Variants in TPD52 observed in about 807,000 individuals in gnomAD.
TPD52 encodes prostate and colon associated protein.
In TPD52, 17 loss-of-function variants were observed where a neutral mutation model predicts 31.3. The observed-to-expected ratio is 0.54, with a 90% CI of 0.37 to 0.82. The LOEUF is 0.82. Ranked by LOEUF, TPD52 falls within the 40% of genes least tolerant of loss-of-function variation. The pLI, the probability that TPD52 is intolerant of heterozygous loss-of-function variation, is 0.00. For missense variants in TPD52, 212 were observed against 240.1 expected, an observed-to-expected ratio of 0.88 and a Z score of 0.77; for synonymous variants, 83 against 89.6, an observed-to-expected ratio of 0.93 and a Z score of 0.42.
Position 80,144,344 on chromosome 8 carries a change from G to T in TPD52, c.19+27081C>A, listed in dbSNP as rs1162244227. On this transcript the variant is annotated intron_variant, in intron 1 of 7. Transcript: ENST00000518937. Reference sequence around the variant, plus strand: ...ATAAAACAGTGCCTTAAAAAACACTGAACAATTAAAAATGTTACATATATT... The same window carrying T: ...ATAAAACAGTGCCTTAAAAAACACTTAACAATTAAAAATGTTACATATATT... Among the ~76,000 whole-genome samples the T allele has an allele frequency of 2.6e-5, 4 of 152,050 alleles. No individual in the cohort carries two copies. In the East Asian group the frequency reaches 7.7e-4, roughly 29 times the overall value.
In TPD52 at chr8:80,114,944, T is replaced by C. The variant is rs556804251; in HGVS notation, c.20-50351A>G. On this transcript the variant is annotated intron_variant, in intron 1 of 7. Coordinates refer to ENST00000518937, the MANE Select transcript of TPD52 (RefSeq NM_001025253.3). ...GTTGTGGTTAATTGTGTCTGAGTCG[T>C]ACCCCTCCACTGACGCTAGCTAACT... 1.2e-4 allele frequency among the ~76,000 whole-genome samples: 18 copies of C among 152,352 alleles called. No homozygotes were observed. The South Asian group carries it at 3.7e-3, about 32-fold the overall frequency.
At chr8:80,132,622 T>C (rs1276889272) in intron 1 of TPD52, among the ~76,000 whole-genome samples, 1 of 152,174 alleles carries the variant, frequency 6.6e-6, no homozygotes, top group East Asian at 1.9e-4. Flanking sequence ...CTATTGTTTG[T>C]GTGAAGATTC....
chr8:80,166,625 C>T (rs934565610), intron 1 of TPD52, among the ~76,000 whole-genome samples: 2 of 151,532 alleles, frequency 1.3e-5, no homozygotes, highest in Non-Finnish European at 2.9e-5. Flanking sequence ...ATTTGTTGGC[C>T]GGGCACAGTG....
intron 7 of TPD52, 196 bp downstream of exon 7, chr8:80,042,424 C>T (rs2130397155): frequency 1.0e-6 from 1 of 985,450 alleles, no homozygotes; most frequent in Non-Finnish European, 1.2e-6. Context: ...TGGCATGCTG[C>T]CACACTACAG....
At chr8:80,059,124 C>A (rs1812217652) in intron 2 of TPD52, among the ~76,000 whole-genome samples, 1 of 152,064 alleles carries the variant, frequency 6.6e-6, no homozygotes, top group African/African-American at 2.4e-5. Flanking sequence ...CCAACCACCA[C>A]CATGAAACTG....
chr8:80,086,101 CTTTT>C (rs762805549), intron 1 of TPD52, among the ~76,000 whole-genome samples: 3 of 112,694 alleles, frequency 2.7e-5, no homozygotes, highest in Non-Finnish European at 5.4e-5. Context: ...GGTTTTTTTG[CTTTT>C]TTTTTTTTTT....
chr8:80,086,179 G>A (rs543314505), intron 1 of TPD52, among the ~76,000 whole-genome samples: 4 of 131,626 alleles, frequency 3.0e-5, no homozygotes, highest in African/African-American at 9.1e-5. Context: ...GTGCAGTGTC[G>A]TGATCTTGAC....
At chr8:80,062,318 T>G (rs1399651272) in intron 2 of TPD52, among the ~76,000 whole-genome samples, 1 of 152,214 alleles carries the variant, frequency 6.6e-6, no homozygotes, top group Non-Finnish European at 1.5e-5. Flanking sequence ...GAGCATTCAC[T>G]GGGGAAAACT....
chr8:80,096,029 G>A (rs1816707208), intron 1 of TPD52, among the ~76,000 whole-genome samples: 1 of 152,170 alleles, frequency 6.6e-6, no homozygotes, highest in Non-Finnish European at 1.5e-5. Flanking sequence ...GCCAAAGCAG[G>A]CATATTGCTT....
downstream of TPD52, chr8:80,032,871 G>T (rs991966128): frequency 2.6e-5 from 4 of 152,334 alleles, no homozygotes; most frequent in African/African-American, 9.6e-5. Context: ...CTGGAGTTTT[G>T]CTCATGCCTG....
At chr8:80,168,147 T>C (rs1249261192) in intron 1 of TPD52, among the ~76,000 whole-genome samples, 1 of 152,222 alleles carries the variant, frequency 6.6e-6, no homozygotes, top group African/African-American at 2.4e-5. Context: ...CAGAGTATTG[T>C]ATTCAAGCCC....
chr8:80,139,011 C>A (rs1014553501), intron 1 of TPD52, among the ~76,000 whole-genome samples: 2 of 152,182 alleles, frequency 1.3e-5, no homozygotes, highest in Non-Finnish European at 2.9e-5. Flanking sequence ...GACAAAGGAG[C>A]CACCGTCTCA....
downstream of TPD52, among the ~76,000 whole-genome samples, chr8:80,034,429 A>C (rs116143226): frequency 6.4e-3 from 979 of 152,240 alleles, 6 homozygotes; most frequent in African/African-American, 0.023. Context: ...CCCCCCAGCC[A>C]TGCTTCCCTT....
intron 1 of TPD52, chr8:80,170,978 A>G (rs1812043404): frequency 2.7e-6 from 1 of 371,344 alleles, no homozygotes; most frequent in African/African-American, 2.1e-5. Context: ...ACTTAGAAGA[A>G]GGCAGAAAGT....
At chr8:80,055,472 T>C (rs1002213740) in intron 2 of TPD52, among the ~76,000 whole-genome samples, 9 of 152,036 alleles carry the variant, frequency 5.9e-5, no homozygotes, top group Non-Finnish European at 8.8e-5. Context: ...GAAGAAAACA[T>C]AGGAGAAACA....
At chr8:80,043,339 C>A (rs1393194246) in intron 6 of TPD52, among the ~76,000 whole-genome samples, 1 of 152,152 alleles carries the variant, frequency 6.6e-6, no homozygotes. Context: ...CTTTGTCTCT[C>A]ACAAAGGCGC....
At chr8:80,100,416 A>G (rs1254920255) in intron 1 of TPD52, among the ~76,000 whole-genome samples, 1 of 152,236 alleles carries the variant, frequency 6.6e-6, no homozygotes, top group African/African-American at 2.4e-5. Context: ...GCAAAAAGGC[A>G]ACAGCACCTT....
chr8:80,047,032 T>C (rs1394598129), intron 5 of TPD52, among the ~76,000 whole-genome samples: 1 of 152,184 alleles, frequency 6.6e-6, no homozygotes, highest in Non-Finnish European at 1.5e-5. Context: ...CAGCTATTGA[T>C]GTACTATTAT....
At chr8:80,120,435 G>A (rs966142422) in intron 1 of TPD52, among the ~76,000 whole-genome samples, 3 of 152,028 alleles carry the variant, frequency 2.0e-5, no homozygotes, top group African/African-American at 7.3e-5. Context: ...GTTGCAGTGA[G>A]CTGCCACGGC....
Sources: gnomAD v4.1 joint callset for allele counts (sites outside exome capture counted in the v4.1 genomes callset) on GRCh38, gnomAD v4.1.1 for gene constraint, MANE v1.5 for transcripts, NCBI Gene and HGNC (gene_info 2026-07-23, HGNC 2026-07-21) for gene names.